The following SLC1A7 variants were observed in gnomAD, a reference collection of about 807,000 sequenced individuals.
SLC1A7 encodes the protein excitatory amino acid transporter 5.
Under a neutral mutation model 47.7 loss-of-function variants are expected in SLC1A7, and 40 were observed. The ratio of observed to expected loss-of-function variants is 0.84; its 90% CI spans 0.65 to 1.09. SLC1A7 has a LOEUF of 1.09. Among genes scored for constraint, SLC1A7 ranks in the 50% least tolerant of loss-of-function variants. The pLI, the probability that SLC1A7 is intolerant of heterozygous loss-of-function variation, is 0.00. For missense variants in SLC1A7, 746 were observed against 769.5 expected (o/e 0.97, Z 0.36); for synonymous variants, 323 against 325.6 (o/e 0.99, Z 0.09).
chr1:53,090,219 G>T, intron 8 of SLC1A7: 1 of 566,830 alleles, frequency 1.8e-6, no homozygotes, highest in Non-Finnish European at 3.1e-6. Flanking sequence ...TATTGCTATG[G>T]GGCTGCCCAG....
Position 53,103,587 on chromosome 1 carries a change from C to T in SLC1A7, c.475-19G>A, listed in dbSNP as rs1390336573. 8.7e-6 allele frequency: 13 copies of T among 1,500,320 alleles called. No homozygotes were observed. The highest frequency in any genetic ancestry group is 1.3e-5 in the South Asian group (1 of 78,178). 92.9% of individuals were successfully genotyped at this position (1,500,320 alleles called of 1,614,324 possible). On this transcript the variant is annotated intron_variant, in intron 4 of 10. Transcript: ENST00000371494. ...TGCGGTACTGGTGGGTGACACCCCA[C>T]CCAGAGAGAAGTCAGGGCCAAGGGT...
chr1:53,094,464 C>A (rs1294383709), intron 5 of SLC1A7, among the ~76,000 whole-genome samples: 1 of 152,220 alleles, frequency 6.6e-6, no homozygotes, highest in Non-Finnish European at 1.5e-5. Context: ...TCATGAGGCC[C>A]ACTGTCATGG....
intron 5 of SLC1A7, among the ~76,000 whole-genome samples, chr1:53,094,841 G>A (rs1294989579): frequency 6.6e-6 from 1 of 152,238 alleles, no homozygotes; most frequent in Admixed American, 6.5e-5. Flanking sequence ...AGTGTGCATG[G>A]AACCCTAGTG....
intron 2 of SLC1A7, chr1:53,115,261 G>A (rs993989742): frequency 3.9e-6 from 2 of 509,546 alleles, no homozygotes; most frequent in Admixed American, 3.3e-5. Flanking sequence ...ACTGTTGGGG[G>A]AGTGAGAGAT....
intron 5 of SLC1A7, among the ~76,000 whole-genome samples, chr1:53,095,559 G>A (rs770283931): frequency 2.1e-5 from 3 of 146,062 alleles, no homozygotes; most frequent in East Asian, 2.1e-4. Context: ...AACTCGCCTT[G>A]GTACACTCAC....
chr1:53,127,275 GA>G (rs1195455003), intron 2 of SLC1A7, among the ~76,000 whole-genome samples: 1 of 152,106 alleles, frequency 6.6e-6, no homozygotes, highest in Non-Finnish European at 1.5e-5. Context: ...ATGGGGCAGT[GA>G]GAAATCAGAT....
intron 5 of SLC1A7, among the ~76,000 whole-genome samples, chr1:53,094,735 C>A (rs1644465681): frequency 6.6e-6 from 1 of 152,220 alleles, no homozygotes; most frequent in Admixed American, 6.5e-5. Context: ...GCTCCGCCCT[C>A]CCCGGGCTCC....
chr1:53,138,917 A>G lies in SLC1A7; in HGVS notation c.135+3398T>C, dbSNP rs1259099823. On this transcript the variant is annotated intron_variant, in intron 1 of 10. Coordinates refer to ENST00000371494, the MANE Select transcript of SLC1A7 (RefSeq NM_006671.6). ...ATCCCCTCTGTTGTACGGTAACTAT[A>G]TCTTCACTCGCAGCTCCAGAAAGCT... Among the ~76,000 whole-genome samples the G allele has an allele frequency of 2.6e-5, 4 of 152,074 alleles. No individual in the cohort carries two copies. In the East Asian group the frequency reaches 5.8e-4, roughly 22 times the overall value.
chr1:53,103,346 C>A lies in SLC1A7; in HGVS notation c.697G>T (p.Gly233Cys), dbSNP rs570741700. ...LGIVFFSATM[G>C]IMLGRMGDSG... ...TGCTGGGCAGGTGGGCAGCACATAC[C>A]CATGGTGGCAGAGAAGAAGACGATG... is the stretch of plus-strand genomic sequence containing the variant. The change falls in exon 5 of 11, where the codon GGC becomes TGC. Residue 233 changes from glycine to cysteine, a missense_variant and splice_region_variant. Coordinates refer to ENST00000371494, the MANE Select transcript of SLC1A7 (RefSeq NM_006671.6). 1.1e-5 allele frequency: 18 copies of A among 1,592,830 alleles called. No homozygotes were observed. Among genetic ancestry groups the A allele is most frequent in the African/African-American group, 2.7e-5 (2 of 74,752 alleles).
At chr1:53,109,283 G>A (rs1644677517) in intron 3 of SLC1A7, among the ~76,000 whole-genome samples, 1 of 152,140 alleles carries the variant, frequency 6.6e-6, no homozygotes, top group Non-Finnish European at 1.5e-5. Context: ...CAATCCCTGA[G>A]AGGGTAGTTG....
intron 1 of SLC1A7, among the ~76,000 whole-genome samples, chr1:53,139,979 A>G (rs1029901226): frequency 6.6e-6 from 1 of 150,596 alleles, no homozygotes; most frequent in Admixed American, 6.6e-5. Context: ...ATCAAGGATA[A>G]AAGTTCTTTT....
intron 5 of SLC1A7, among the ~76,000 whole-genome samples, chr1:53,099,233 A>ACC (rs142098570): frequency 3.6e-3 from 27 of 7,506 alleles, no homozygotes; most frequent in African/African-American, 8.3e-3. Context: ...ACACTCACAC[A>ACC]CCGCCTCGGT....
chr1:53,138,765 G>T (rs1264486536), intron 1 of SLC1A7, among the ~76,000 whole-genome samples: 1 of 152,102 alleles, frequency 6.6e-6, no homozygotes, highest in Non-Finnish European at 1.5e-5. Context: ...AGGGTATTCA[G>T]GGTCTCCAAC....
intron 1 of SLC1A7, among the ~76,000 whole-genome samples, chr1:53,140,197 C>T (rs756429775): frequency 4.6e-5 from 7 of 152,320 alleles, no homozygotes; most frequent in Non-Finnish European, 8.8e-5. Flanking sequence ...ATTTATCTGG[C>T]AGGTTAATCC....
chr1:53,140,388 G>C (rs1645045310), intron 1 of SLC1A7, among the ~76,000 whole-genome samples: 1 of 151,840 alleles, frequency 6.6e-6, no homozygotes, highest in Non-Finnish European at 1.5e-5. Context: ...AGATTTTTTT[G>C]TTCCATTGCC....
intron 8 of SLC1A7, chr1:53,090,387 A>G: frequency 1.5e-6 from 1 of 682,928 alleles, no homozygotes; most frequent in Non-Finnish European, 2.3e-6. Context: ...CGGCCTCTCC[A>G]AGGTCCTGAG....
At chr1:53,134,113 T>G (rs1266859874) in intron 2 of SLC1A7, among the ~76,000 whole-genome samples, 1 of 152,186 alleles carries the variant, frequency 6.6e-6, no homozygotes, top group Non-Finnish European at 1.5e-5. Context: ...TCATATCCGT[T>G]GATTCCAAAT....
intron 10 of SLC1A7, among the ~76,000 whole-genome samples, 155 bp downstream of exon 10, chr1:53,088,722 T>G (rs1644386233): frequency 6.6e-6 from 1 of 152,186 alleles, no homozygotes; most frequent in South Asian, 2.1e-4. Context: ...GTTAGAGGAA[T>G]CAGTCATTCT....
intron 3 of SLC1A7, 157 bp downstream of exon 3, chr1:53,114,601 G>T: frequency 1.6e-6 from 1 of 641,898 alleles, no homozygotes; most frequent in Non-Finnish European, 2.7e-6. Flanking sequence ...AGACGATGCA[G>T]CATGAGCCCA....
Sources: allele counts gnomAD v4.1 joint callset (sites outside exome capture counted in the v4.1 genomes callset), GRCh38; gene constraint gnomAD v4.1.1; transcripts MANE v1.5; gene names NCBI Gene and HGNC (gene_info 2026-07-23, HGNC 2026-07-21).